Variants in TBC1D23 observed in about 807,000 individuals in gnomAD.
The protein encoded by TBC1D23 is HCV non-structural protein 4A-transactivated protein 1.
In TBC1D23, 55 loss-of-function variants were observed where a neutral mutation model predicts 91.4. That is an observed-to-expected ratio of 0.60 (90% CI 0.48 to 0.75). The LOEUF (loss-of-function observed/expected upper bound fraction) is 0.75. Ranked by LOEUF, TBC1D23 falls within the 30% of genes least tolerant of loss-of-function variation. The pLI, the probability that TBC1D23 is intolerant of heterozygous loss-of-function variation, is 0.00. For missense variants in TBC1D23, 725 were observed against 836.1 expected, an observed-to-expected ratio of 0.87 and a Z score of 1.64; for synonymous variants, 289 against 281.0, an observed-to-expected ratio of 1.03 and a Z score of -0.28.
At position 100,304,842 on chromosome 3, in the gene TBC1D23, A is replaced by C; in HGVS notation, c.1264-4A>C. ...AAGAATTTAAATTTTCTTTTCCATT[A>C]CAGAAAAACAAAGAATATGTGAGTA... On this transcript the variant is annotated splice_polypyrimidine_tract_variant and splice_region_variant and intron_variant, in intron 11 of 18. Transcript: ENST00000394144. 1 of 1,451,544 alleles carries C rather than the reference A, an allele frequency of 6.9e-7. No homozygotes were observed. 89.9% of individuals were successfully genotyped at this position (1,451,544 alleles called of 1,614,324 possible).
chr3:100,319,603 T>G (rs1041235430), intron 17 of TBC1D23, among the ~76,000 whole-genome samples: 4 of 152,004 alleles, frequency 2.6e-5, no homozygotes, highest in African/African-American at 9.7e-5. Context: ...TAATTTTGTA[T>G]TTTTAGTAGA....
chr3:100,307,172 G>C (rs1036359616), intron 13 of TBC1D23, among the ~76,000 whole-genome samples: 1 of 152,152 alleles, frequency 6.6e-6, no homozygotes, highest in Non-Finnish European at 1.5e-5. Context: ...GGAAATATTT[G>C]GGTAATAGGT....
chr3:100,261,258 TG>T (rs1429134818), intron 1 of TBC1D23, 187 bp downstream of exon 1: 1 of 606,690 alleles, frequency 1.6e-6, no homozygotes, highest in Admixed American at 2.9e-5. Context: ...CCCAAGGGAC[TG>T]GGGCGGGACT....
chr3:100,299,457 T>C (rs940871216), intron 10 of TBC1D23, 126 bp downstream of exon 10: 5 of 473,746 alleles, frequency 1.1e-5, no homozygotes, highest in African/African-American at 2.0e-5. Context: ...TCTGCCCTTA[T>C]GAGAAAAGTG....
chr3:100,322,055 T>A (rs1434275331), intron 18 of TBC1D23, among the ~76,000 whole-genome samples: 1 of 151,962 alleles, frequency 6.6e-6, no homozygotes, highest in Non-Finnish European at 1.5e-5. Flanking sequence ...AATAGTATAG[T>A]GTGAATATAC....
intron 15 of TBC1D23, among the ~76,000 whole-genome samples, chr3:100,313,648 G>C (rs1559815036): frequency 6.6e-6 from 1 of 152,206 alleles, no homozygotes; most frequent in East Asian, 1.9e-4. Context: ...TACAGCAAAT[G>C]CTTATTCGCT....
intron 13 of TBC1D23, 59 bp from the exon 14 acceptor site, chr3:100,310,344 A>G (rs1705604295): frequency 1.4e-6 from 2 of 1,458,038 alleles, no homozygotes; most frequent in Non-Finnish European, 1.9e-6. Flanking sequence ...GATAACCATT[A>G]GCAGTAGTAT....
At chr3:100,310,253 C>CGTAT in intron 13 of TBC1D23, 150 bp from the exon 14 acceptor site, 1 of 691,708 alleles carries the variant, frequency 1.4e-6, no homozygotes, top group Non-Finnish European at 2.4e-6. Context: ...TCTCCAAATA[C>CGTAT]AGTCACATTC....
chr3:100,288,471 A>G (rs1297883468), intron 4 of TBC1D23, among the ~76,000 whole-genome samples: 7 of 152,210 alleles, frequency 4.6e-5, no homozygotes, highest in African/African-American at 1.7e-4. Flanking sequence ...CTTCTTGGCT[A>G]TTTTACCTTC....
At position 100,297,794 on chromosome 3, in the gene TBC1D23, ATTAAG is replaced by A. The variant is rs150538325; in HGVS notation, c.877-126_877-122del. The A allele has an allele frequency of 1.6e-3, 1,101 of 700,498 alleles. 17 individuals carry two copies. In the African/African-American group the frequency reaches 0.018, roughly 11 times the overall value. 43.4% of individuals were successfully genotyped at this position (700,498 alleles called of 1,614,324 possible). Reference sequence around the variant, plus strand: ...CCTATAAAATTTGAGATTATGTAGTATTAAGTTTTAAAAAATCACAACTCAAGAGT... The same window carrying A: ...CCTATAAAATTTGAGATTATGTAGTATTTTAAAAAATCACAACTCAAGAGT... On this transcript the variant is annotated intron_variant, in intron 8 of 18. Coordinates refer to ENST00000394144, the MANE Select transcript of TBC1D23 (RefSeq NM_001199198.3).
chr3:100,321,043 G>T, intron 18 of TBC1D23, 72 bp downstream of exon 18: 1 of 1,162,918 alleles, frequency 8.6e-7, no homozygotes, highest in Non-Finnish European at 1.2e-6. Context: ...ACTATAAAGA[G>T]TTTGTTTCTT....
chr3:100,262,445 C>T (rs1338934054), intron 1 of TBC1D23, among the ~76,000 whole-genome samples: 2 of 152,158 alleles, frequency 1.3e-5, no homozygotes, highest in African/African-American at 4.8e-5. Context: ...GAAAAGAAGG[C>T]TGGGCGCGGT....
intron 15 of TBC1D23, 78 bp downstream of exon 15, chr3:100,311,955 C>A: frequency 1.1e-6 from 1 of 948,036 alleles, no homozygotes; most frequent in Non-Finnish European, 1.6e-6. Flanking sequence ...AAGCCTCATG[C>A]TGTCTTGGCT....
At position 100,291,386 on chromosome 3, in the gene TBC1D23, A is replaced by G. The variant is rs1237924379; in HGVS notation, c.600+685A>G. Among the ~76,000 whole-genome samples the G allele has an allele frequency of 2.6e-5, 4 of 152,260 alleles. No individual in the cohort carries two copies. In the East Asian group the frequency reaches 7.7e-4, roughly 29 times the overall value. ...TCACTTGATGTCAGAAGTTTGATAC[A>G]AGCCTGGCCAACATGGCGAAACTTG... On this transcript the variant is annotated intron_variant, in intron 5 of 18. Coordinates refer to ENST00000394144, the MANE Select transcript of TBC1D23 (RefSeq NM_001199198.3).
intron 5 of TBC1D23, 49 bp downstream of exon 5, chr3:100,290,750 A>G: frequency 6.8e-7 from 1 of 1,476,532 alleles, no homozygotes; most frequent in Non-Finnish European, 9.1e-7. Context: ...ATTTATGTAA[A>G]GCTATAGTTA....
At chr3:100,301,421 A>G (rs1705427550) in intron 10 of TBC1D23, among the ~76,000 whole-genome samples, 1 of 152,220 alleles carries the variant, frequency 6.6e-6, no homozygotes, top group Admixed American at 6.5e-5. Flanking sequence ...GAGGTTGAAC[A>G]TTATTTTTTG....
chr3:100,316,032 A>C, intron 15 of TBC1D23, 67 bp from the exon 16 acceptor site: 2 of 1,280,508 alleles, frequency 1.6e-6, no homozygotes, highest in Non-Finnish European at 2.3e-6. Flanking sequence ...TATTCAAATG[A>C]TGCTTGGTAA....
rs1705737094 is a variant in TBC1D23 at position 100,315,999 on chromosome 3, G to A, written c.1599-100G>A. Reference sequence around the variant, plus strand: ...ATGGGGTTTTGGGGGGGTCAGGTAAGGAATAATTACATTTTGTGTGAATAT... The same window carrying A: ...ATGGGGTTTTGGGGGGGTCAGGTAAAGAATAATTACATTTTGTGTGAATAT... On this transcript the variant is annotated intron_variant, in intron 15 of 18. Coordinates refer to ENST00000394144, the MANE Select transcript of TBC1D23 (RefSeq NM_001199198.3). The A allele has an allele frequency of 5.2e-6, 5 of 952,678 alleles. No homozygotes were observed. In the East Asian group the frequency reaches 1.2e-4, roughly 23 times the overall value. The allele number at this position is 952,678 out of a possible 1,614,324, so 59.0% of individuals were successfully genotyped here.
At chr3:100,294,058 G>A (rs192791353) in intron 5 of TBC1D23, among the ~76,000 whole-genome samples, 19 of 152,172 alleles carry the variant, frequency 1.2e-4, no homozygotes, top group South Asian at 4.2e-4. Flanking sequence ...ATGTGTTCCC[G>A]TTAATTCTCT....
Sources: allele counts gnomAD v4.1 joint callset (sites outside exome capture counted in the v4.1 genomes callset), GRCh38; gene constraint gnomAD v4.1.1; transcripts MANE v1.5; gene names NCBI Gene and HGNC (gene_info 2026-07-23, HGNC 2026-07-21).